Variants in RNF123 observed in about 807,000 individuals in gnomAD.
RNF123 encodes the protein ring finger protein 123.
RNF123 carries 86 observed loss-of-function variants against 168.5 expected under a neutral mutation model. The observed-to-expected ratio is 0.51, with a 90% CI of 0.43 to 0.61. RNF123 has a LOEUF of 0.61. Among genes scored for constraint, RNF123 ranks in the 20% least tolerant of loss-of-function variants. The pLI is 0.00. For synonymous variants in RNF123, 666 were observed against 689.1 expected (o/e 0.97, Z 0.52); for missense variants, 1,419 against 1,729.7 (o/e 0.82, Z 3.19).
chr3:49,693,134 C>T (rs530375768), intron 3 of RNF123, among the ~76,000 whole-genome samples: 15 of 151,206 alleles, frequency 9.9e-5, no homozygotes, highest in East Asian at 9.8e-4. Context: ...CTGCAAGCTC[C>T]GCCTCCCAGG....
rs2080403274 is a variant in RNF123, at chr3:49,721,369, T to C, written c.*64T>C. The C allele has an allele frequency of 1.2e-6, 2 of 1,606,310 alleles. No individual in the cohort carries two copies. Among genetic ancestry groups the C allele is most frequent in the Non-Finnish European group, 1.7e-6 (2 of 1,173,304 alleles). On this transcript the variant is annotated 3_prime_UTR_variant, in exon 39 of 39. Coordinates refer to ENST00000327697, the MANE Select transcript of RNF123 (RefSeq NM_022064.5). ...AACCCAGAGCCAGGCTGGGCCCTAT[T>C]TATGAGCTCCCTTTGCCCTTCTCCT...
Position 49,699,897 on chromosome 3 carries a change from C to A in RNF123, c.984+125C>A. 1.0e-6 allele frequency: 1 copy of A among 981,420 alleles called. No individual in the cohort carries two copies. The highest frequency in any genetic ancestry group is 1.5e-6 in the Non-Finnish European group (1 of 651,580). 60.8% of individuals were successfully genotyped at this position (981,420 alleles called of 1,614,324 possible). A position where few individuals can be genotyped will look rare whatever the true frequency, so the allele number is the denominator to read the frequency against. ...CCACAGCATCACCTGGCGAGGGCCCCATGTGACCAGGGCCCTCAGACCTCA... is the reference window on the plus strand; with the variant it reads ...CCACAGCATCACCTGGCGAGGGCCCAATGTGACCAGGGCCCTCAGACCTCA... On this transcript the variant is annotated intron_variant, in intron 12 of 38. Coordinates refer to ENST00000327697, the MANE Select transcript of RNF123 (RefSeq NM_022064.5). This position sits in a 1 kb window ranked among gnomAD's most constrained non-coding sequence, Gnocchi z 4.8.
At chr3:49,714,198 C>A (rs1481210557) in intron 31 of RNF123, 24 bp downstream of exon 31, 2 of 1,610,496 alleles carry the variant, frequency 1.2e-6, no homozygotes, top group Admixed American at 1.7e-5. Flanking sequence ...TTGGGCGAGT[C>A]CTGGGCAAGG....
At position 49,702,084 on chromosome 3, in the gene RNF123, G is replaced by A; in HGVS notation, c.1497G>A (p.Val499=). The A allele has an allele frequency of 1.9e-6, 3 of 1,613,946 alleles. No homozygotes were observed. Among genetic ancestry groups the A allele is most frequent in the Non-Finnish European group, 2.5e-6 (3 of 1,179,884 alleles). Reference sequence around the variant, plus strand: ...CCATGTTCCTCACCTGACCTCCAGTGGTGGAAGAACTACAGGTCCAGATCC... The same window carrying A: ...CCATGTTCCTCACCTGACCTCCAGTAGTGGAAGAACTACAGGTCCAGATCC... ...GCQRLRKRIE[V]VEELQVQILK... is the part of the protein sequence containing the mutation. Residue 499 remains valine, a splice_region_variant and synonymous_variant, in exon 18 of 39, where the codon GTG becomes GTA. Transcript: ENST00000327697.
At position 49,699,385 on chromosome 3, in the gene RNF123, GC is replaced by G. The variant is rs2054330030; in HGVS notation, c.765-79del. On this transcript the variant is annotated intron_variant, in intron 10 of 38. Coordinates refer to ENST00000327697, the MANE Select transcript of RNF123 (RefSeq NM_022064.5). The surrounding 1 kb of genome is among the most constrained non-coding windows in gnomAD (Gnocchi z 4.8). ...AAACCAGCCCTGCCCTAGAGCCCAGGCCCCGGGGTGGGGGGTGGGCAGTGGA... is the reference window on the plus strand; with the variant it reads ...AAACCAGCCCTGCCCTAGAGCCCAGGCCCGGGGTGGGGGGTGGGCAGTGGA... 2 of 1,250,422 alleles carry G rather than the reference GC, an allele frequency of 1.6e-6. No homozygotes were observed. Among genetic ancestry groups the G allele is most frequent in the Non-Finnish European group, 1.1e-6 (1 of 882,662 alleles). The allele number at this position is 1,250,422 out of a possible 1,614,324, so 77.5% of individuals were successfully genotyped here.
At chr3:49,701,356 A>G (rs2054379569) in intron 15 of RNF123, 135 bp from the exon 16 acceptor site, 2 of 726,772 alleles carry the variant, frequency 2.8e-6, no homozygotes, top group South Asian at 1.6e-5. Flanking sequence ...GGGGTCAGAC[A>G]CATAGCAGCA....
intron 26 of RNF123, among the ~76,000 whole-genome samples, chr3:49,708,991 G>A (rs1279210946): frequency 6.6e-6 from 1 of 151,664 alleles, no homozygotes; most frequent in Non-Finnish European, 1.5e-5. Flanking sequence ...TTTTTGAGAT[G>A]GAGTCTCACT....
At chr3:49,717,678 C>G in intron 35 of RNF123, 1 of 546,136 alleles carries the variant, frequency 1.8e-6, no homozygotes, top group Non-Finnish European at 3.3e-6. Context: ...CATTTGGGCA[C>G]TAGGAAGTCC....
chr3:49,713,441 C>T, intron 27 of RNF123, 72 bp from the exon 28 acceptor site: 3 of 1,454,752 alleles, frequency 2.1e-6, no homozygotes, highest in Non-Finnish European at 2.8e-6. Context: ...CCCAAGTCCA[C>T]CCACCCTGCT....
In RNF123 at chr3:49,705,302, C is replaced by T; in HGVS notation, c.2158+120C>T. ...CCCAGCCCTGTGGCCTGGCAGCATCCCAGGAGTGCAGGAAGCACACTCCGA... is the reference window on the plus strand; with the variant it reads ...CCCAGCCCTGTGGCCTGGCAGCATCTCAGGAGTGCAGGAAGCACACTCCGA... On this transcript the variant is annotated intron_variant, in intron 23 of 38. Coordinates refer to ENST00000327697, the MANE Select transcript of RNF123 (RefSeq NM_022064.5). 3 of 1,314,494 alleles carry T rather than the reference C, an allele frequency of 2.3e-6. No individual in the cohort carries two copies. The South Asian group carries it at 4.3e-5, about 19-fold the overall frequency. The allele number at this position is 1,314,494 out of a possible 1,614,324, so 81.4% of individuals were successfully genotyped here.
intron 15 of RNF123, 73 bp downstream of exon 15, chr3:49,700,782 G>A: frequency 6.6e-7 from 1 of 1,514,642 alleles, no homozygotes; most frequent in South Asian, 1.1e-5. Flanking sequence ...AGGAAGGGGA[G>A]TGTCATCAGG....
At chr3:49,705,725 G>A (rs1345153053) in intron 24 of RNF123, 46 bp downstream of exon 24, 4 of 1,611,514 alleles carry the variant, frequency 2.5e-6, no homozygotes, top group East Asian at 2.2e-5. Context: ...TGTTGTGCGT[G>A]TTTGGTTGTG....
Position 49,705,517 on chromosome 3 carries a change from C to G in RNF123, c.2159-17C>G, listed in dbSNP as rs775486713. The G allele has an allele frequency of 6.4e-7, 1 of 1,572,760 alleles. No homozygotes were observed. Among genetic ancestry groups the G allele is most frequent in the Non-Finnish European group, 8.6e-7 (1 of 1,161,260 alleles). On this transcript the variant is annotated splice_polypyrimidine_tract_variant and intron_variant, in intron 23 of 38. Transcript: ENST00000327697. ...GGGATGGCCCTACCCTTGACCCTTCCCTCCCCAACTCCCCAGTTGAAGGCA... is the reference window on the plus strand; with the variant it reads ...GGGATGGCCCTACCCTTGACCCTTCGCTCCCCAACTCCCCAGTTGAAGGCA...
At chr3:49,712,424 G>A in intron 26 of RNF123, 55 bp from the exon 27 acceptor site, 1 of 1,582,634 alleles carries the variant, frequency 6.3e-7, no homozygotes, top group South Asian at 1.1e-5. Context: ...GCCAGGACAT[G>A]CCCCCAAGAC....
rs2054531778 is a variant in RNF123 at position 49,706,966 on chromosome 3, C to CA, written c.2496+69dup. 2.9e-6 allele frequency: 4 copies of CA among 1,360,678 alleles called. No individual in the cohort carries two copies. The South Asian group carries it at 3.5e-5, about 12-fold the overall frequency. 84.3% of individuals were successfully genotyped at this position (1,360,678 alleles called of 1,614,324 possible). On this transcript the variant is annotated intron_variant, in intron 26 of 38. Transcript: ENST00000327697. Reference sequence around the variant, plus strand: ...GGCCACGGGTCTAGCAAGATTGTGCCAGGGCCCTTGATGCCCCCACCCTCT... The same window carrying CA: ...GGCCACGGGTCTAGCAAGATTGTGCCAAGGGCCCTTGATGCCCCCACCCTCT...
chr3:49,721,285 A>C lies in RNF123; in HGVS notation c.3925A>C (p.Thr1309Pro), dbSNP rs762877060. 6.2e-7 allele frequency: 1 copy of C among 1,614,180 alleles called. No individual in the cohort carries two copies. Among genetic ancestry groups the C allele is most frequent in the Non-Finnish European group, 8.5e-7 (1 of 1,180,028 alleles). Residue 1309 changes from threonine (T) to proline (P), a missense_variant, in exon 39 of 39, where the codon ACT (threonine) becomes CCT (proline). Transcript: ENST00000327697. ...EDWEKGANTS[T>P]TSSAA ...CTGGGAGAAGGGAGCCAATACGAGTACTACCTCCTCAGCTGCCTAGCCCTC... is the reference window on the plus strand; with the variant it reads ...CTGGGAGAAGGGAGCCAATACGAGTCCTACCTCCTCAGCTGCCTAGCCCTC...
chr3:49,704,887 T>G, intron 22 of RNF123, 97 bp from the exon 23 acceptor site: 1 of 1,404,862 alleles, frequency 7.1e-7, no homozygotes, highest in Non-Finnish European at 9.6e-7. Flanking sequence ...TGCCTTGCTG[T>G]GGGTGGAGGC....
chr3:49,699,462 T>C lies in RNF123; in HGVS notation c.765-6T>C. The C allele has an allele frequency of 6.3e-7, 1 of 1,592,132 alleles. No homozygotes were observed. Among genetic ancestry groups the C allele is most frequent in the Non-Finnish European group, 8.6e-7 (1 of 1,168,666 alleles). On this transcript the variant is annotated splice_polypyrimidine_tract_variant and splice_region_variant and intron_variant, in intron 10 of 38. Coordinates refer to ENST00000327697, the MANE Select transcript of RNF123 (RefSeq NM_022064.5). The surrounding 1 kb of genome is among the most constrained non-coding windows in gnomAD (Gnocchi z 4.8). ...AGATAAGGCGTTGCTGGCTTAACTC[T>C]GGCACCTACCCAGTGGCAGGCTACC...
Position 49,700,718 on chromosome 3 carries a change from T to C in RNF123, c.1277+9T>C, listed in dbSNP as rs933209256. 32 of 1,613,974 alleles carry C rather than the reference T, an allele frequency of 2.0e-5. No homozygotes were observed. Among genetic ancestry groups the C allele is most frequent in the Non-Finnish European group, 2.5e-5 (30 of 1,180,016 alleles). ...CTGCTTAGCAATGTCCTGTATCCTTTCCTTGCTGCCTGGCAGGCCAGACAT... is the reference window on the plus strand; with the variant it reads ...CTGCTTAGCAATGTCCTGTATCCTTCCCTTGCTGCCTGGCAGGCCAGACAT... On this transcript the variant is annotated intron_variant, in intron 15 of 38. Coordinates refer to ENST00000327697, the MANE Select transcript of RNF123 (RefSeq NM_022064.5).
Sources: allele counts gnomAD v4.1 joint callset (sites outside exome capture counted in the v4.1 genomes callset), GRCh38; gene constraint gnomAD v4.1.1; non-coding constraint Gnocchi (gnomAD v3.1); transcripts MANE v1.5; gene names NCBI Gene and HGNC (gene_info 2026-07-23, HGNC 2026-07-21).